Variants in RRH observed in about 807,000 individuals in gnomAD.
The protein encoded by RRH is retinal pigment epithelium-derived rhodopsin homolog, also known as visual pigment-like receptor peropsin.
Under a neutral mutation model 33.1 loss-of-function variants are expected in RRH, and 36 were observed. That is an observed-to-expected ratio of 1.09 (90% CI 0.83 to 1.44). The LOEUF (loss-of-function observed/expected upper bound fraction) is 1.44. Among genes scored for constraint, RRH ranks in the 40% most tolerant of loss-of-function variants. RRH has a pLI of 0.00. For missense variants in RRH, 393 were observed against 420.2 expected, an observed-to-expected ratio of 0.94 and a Z score of 0.57; for synonymous variants, 124 against 140.2, an observed-to-expected ratio of 0.88 and a Z score of 0.82.
intron 5 of RRH, 37 bp from the exon 6 acceptor site, chr4:109,842,432 T>C: frequency 4.5e-6 from 7 of 1,568,144 alleles, no homozygotes; most frequent in Non-Finnish European, 6.1e-6. Context: ...TTAAATATTT[T>C]AGGTATTGGG....
Position 109,836,036 on chromosome 4 carries a change from G to A in RRH, c.427G>A (p.Gly143Ser), listed in dbSNP as rs566521268. 7.7e-5 allele frequency: 124 copies of A among 1,614,102 alleles called. 1 individual carries two copies. The highest frequency in any genetic ancestry group is 2.9e-4 in the South Asian group (26 of 91,074). ...AAGAATGACCACCAACACTTACATCGGCTTGATTCTGGGAGCCTGGATCAA... is the reference window on the plus strand; with the variant it reads ...AAGAATGACCACCAACACTTACATCAGCTTGATTCTGGGAGCCTGGATCAA... ...GRRMTTNTYI[G>S]LILGAWINGL... The change falls in exon 4 of 7, where the codon GGC becomes AGC. Residue 143 changes from glycine (G) to serine (S), a missense_variant. Physicochemically the swap from Gly to Ser is moderately conservative, Grantham distance 56. Coordinates refer to ENST00000317735, the MANE Select transcript of RRH (RefSeq NM_006583.5).
intron 2 of RRH, 26 bp downstream of exon 2, chr4:109,833,355 C>T (rs747234521): frequency 1.9e-6 from 3 of 1,552,016 alleles, no homozygotes; most frequent in Non-Finnish European, 2.7e-6. Flanking sequence ...GGAATGAAAG[C>T]AAAATAAATA....
intron 1 of RRH, among the ~76,000 whole-genome samples, chr4:109,832,297 CT>C (rs1733772455): frequency 1.3e-5 from 2 of 150,330 alleles, no homozygotes; most frequent in African/African-American, 4.9e-5. Flanking sequence ...CAGTGGCATT[CT>C]GGTTAATAAG....
chr4:109,833,572 T>A (rs1173535597), intron 2 of RRH, among the ~76,000 whole-genome samples: 4 of 152,136 alleles, frequency 2.6e-5, no homozygotes, highest in African/African-American at 9.7e-5. Context: ...ATAACTAGCA[T>A]TCAACCAAAG....
In RRH at chr4:109,833,757, T is replaced by C. The variant is rs561995993; in HGVS notation, c.297+428T>C. On this transcript the variant is annotated intron_variant, in intron 2 of 6. Coordinates refer to ENST00000317735, the MANE Select transcript of RRH (RefSeq NM_006583.5). ...ATAGAAAGTCCTCCATAAGAATTGT[T>C]ACTAAATGTTATTTTTTAGTAAAAA... 3.9e-5 allele frequency among the ~76,000 whole-genome samples: 6 copies of C among 152,340 alleles called. No homozygotes were observed. In the South Asian group the frequency reaches 1.2e-3, roughly 32 times the overall value.
At chr4:109,830,714 C>T (rs1183127335) in intron 1 of RRH, among the ~76,000 whole-genome samples, 1 of 151,890 alleles carries the variant, frequency 6.6e-6, no homozygotes, top group Non-Finnish European at 1.5e-5. Flanking sequence ...AGGGTATAGC[C>T]TTGGGTATGA....
rs36127904 is a variant in RRH at position 109,832,495 on chromosome 4, A to AGTGTGTGTGTGTGT, written c.107-619_107-606dup. ...GTAGTATGCATTCTTCTATTGGGGT[A>AGTGTGTGTGTGTGT]GTGTGTGTGTGTGTGTGTGTGTGTG... On this transcript the variant is annotated intron_variant, in intron 1 of 6. Transcript: ENST00000317735. Among the ~76,000 whole-genome samples, 211 of 135,292 alleles carry AGTGTGTGTGTGTGT rather than the reference A, an allele frequency of 1.6e-3. 4 individuals carry two copies. Among genetic ancestry groups the AGTGTGTGTGTGTGT allele is most frequent in the Middle Eastern group, 3.7e-3 (1 of 272 alleles). 88.8% of individuals were successfully genotyped at this position (135,292 alleles called of 152,430 possible). A position where few individuals can be genotyped will look rare whatever the true frequency, so the allele number is the denominator to read the frequency against.
intron 4 of RRH, among the ~76,000 whole-genome samples, chr4:109,837,200 G>T (rs941632228): frequency 1.3e-5 from 2 of 152,116 alleles, no homozygotes; most frequent in African/African-American, 4.8e-5. Flanking sequence ...GTAAATGAGG[G>T]TACATGGCTG....
At position 109,835,300 on chromosome 4, in the gene RRH, A is replaced by G. The variant is rs536983843; in HGVS notation, c.298-66A>G. The G allele has an allele frequency of 3.7e-5, 40 of 1,077,590 alleles. No individual in the cohort carries two copies. In the African/African-American group the frequency reaches 6.2e-4, roughly 17 times the overall value. The allele number at this position is 1,077,590 out of a possible 1,614,324, so 66.8% of individuals were successfully genotyped here. On this transcript the variant is annotated intron_variant, in intron 2 of 6. Transcript: ENST00000317735. ...TATTTGAGATATATTCTAACAATGG[A>G]CAAAAATTTAATGTTTCTTGGGAGG...
At chr4:109,828,999 A>G (rs1449792394) in intron 1 of RRH, among the ~76,000 whole-genome samples, 1 of 152,280 alleles carries the variant, frequency 6.6e-6, no homozygotes, top group Non-Finnish European at 1.5e-5. Flanking sequence ...TTAATGTATC[A>G]TTGAATTGTG....
chr4:109,842,383 C>A, intron 5 of RRH, 86 bp from the exon 6 acceptor site: 3 of 1,249,832 alleles, frequency 2.4e-6, no homozygotes, highest in Non-Finnish European at 3.4e-6. Flanking sequence ...CAAATTCCAA[C>A]CCAGATAGAT....
At chr4:109,843,772 T>C (rs1560586782) in intron 6 of RRH, among the ~76,000 whole-genome samples, 1 of 152,226 alleles carries the variant, frequency 6.6e-6, no homozygotes, top group Non-Finnish European at 1.5e-5. Flanking sequence ...TATAATTATT[T>C]ACTTTTAGTA....
At chr4:109,835,516 C>A in intron 3 of RRH, 51 bp downstream of exon 3, 2 of 1,201,192 alleles carry the variant, frequency 1.7e-6, no homozygotes, top group Non-Finnish European at 2.5e-6. Flanking sequence ...TGACTAATGG[C>A]CACTCAATAT....
At chr4:109,837,354 G>A in intron 4 of RRH, 83 bp from the exon 5 acceptor site, 1 of 1,218,648 alleles carries the variant, frequency 8.2e-7, no homozygotes, top group Non-Finnish European at 1.2e-6. Context: ...TACCAGTATT[G>A]TTTTTAATAA....
At chr4:109,843,966 C>G (rs1734031167) in intron 6 of RRH, 117 bp from the exon 7 acceptor site, 2 of 714,332 alleles carry the variant, frequency 2.8e-6, no homozygotes, top group African/African-American at 3.5e-5. Context: ...AAGTTGGAGG[C>G]AGAAATTTAT....
intron 1 of RRH, among the ~76,000 whole-genome samples, chr4:109,831,854 A>G (rs986917471): frequency 6.6e-6 from 1 of 152,142 alleles, no homozygotes; most frequent in African/African-American, 2.4e-5. Flanking sequence ...GGTTAAGTCT[A>G]TGTTATAGCA....
chr4:109,836,980 C>G (rs1173575963), intron 4 of RRH, among the ~76,000 whole-genome samples: 2 of 151,270 alleles, frequency 1.3e-5, no homozygotes, highest in Non-Finnish European at 2.9e-5. Flanking sequence ...CTCAGCTACT[C>G]GGTTGGCTAA....
intron 4 of RRH, 136 bp from the exon 5 acceptor site, chr4:109,837,300 TA>T: frequency 2.4e-6 from 2 of 840,742 alleles, no homozygotes; most frequent in Non-Finnish European, 3.8e-6. Flanking sequence ...CTAAATAAAC[TA>T]AAAGTCAAAT....
intron 2 of RRH, among the ~76,000 whole-genome samples, chr4:109,834,930 T>C (rs935158938): frequency 6.6e-6 from 1 of 152,212 alleles, no homozygotes; most frequent in South Asian, 2.1e-4. Context: ...CAGTATTTCT[T>C]TGAATATTTA....
Sources: gnomAD v4.1 joint callset for allele counts (sites outside exome capture counted in the v4.1 genomes callset) on GRCh38, gnomAD v4.1.1 for gene constraint, MANE v1.5 for transcripts, NCBI Gene and HGNC (gene_info 2026-07-23, HGNC 2026-07-21) for gene names.